Variants in HEG1 observed in about 807,000 individuals in gnomAD.
HEG1 encodes the protein protein HEG homolog 1.
In HEG1, 56 loss-of-function variants were observed where a neutral mutation model predicts 125.6. The observed-to-expected ratio is 0.45, with a 90% CI of 0.36 to 0.56. The LOEUF (loss-of-function observed/expected upper bound fraction) is 0.56, where lower values mean the gene tolerates loss of function less well. Among genes scored for constraint, HEG1 ranks in the 20% least tolerant of loss-of-function variants. The pLI is 0.00. For synonymous variants in HEG1, 644 were observed against 668.5 expected (o/e 0.96, Z 0.57); for missense variants, 1,523 against 1,670.0 (o/e 0.91, Z 1.53).
In HEG1 at chr3:125,013,435, G is replaced by A; in HGVS notation, c.2144C>T (p.Ser715Leu). ...TSDASTPWSS[S>L]PSPLPVSLTT... Reference sequence around the variant, plus strand: ...TAAGGATACTGGTAAAGGTGATGGTGAGGAAGACCATGGTGTGGATGCATC... The same window carrying A: ...TAAGGATACTGGTAAAGGTGATGGTAAGGAAGACCATGGTGTGGATGCATC... The change falls in exon 6 of 17, where the codon TCA (serine) becomes TTA (leucine). Residue 715 changes from serine (S) to leucine (L), a missense_variant. By Grantham distance (145) the Ser-to-Leu change is moderately radical. Transcript: ENST00000311127. 6.2e-7 allele frequency: 1 copy of A among 1,613,930 alleles called. No homozygotes were observed. The highest frequency in any genetic ancestry group is 8.5e-7 in the Non-Finnish European group (1 of 1,179,840).
intron 3 of HEG1, among the ~76,000 whole-genome samples, chr3:125,024,450 CT>C (rs756433464): frequency 1.3e-5 from 2 of 152,144 alleles, no homozygotes; most frequent in Non-Finnish European, 2.9e-5. Flanking sequence ...CAAAAGGGAG[CT>C]TTTTTCCCTG....
intron 1 of HEG1, among the ~76,000 whole-genome samples, chr3:125,045,854 G>A (rs372088464): frequency 7.9e-5 from 12 of 152,112 alleles, no homozygotes; most frequent in Admixed American, 6.5e-5. Context: ...AACAGTTATC[G>A]TCTCCATTTT....
intron 12 of HEG1, among the ~76,000 whole-genome samples, chr3:124,992,836 A>G (rs1936855262): frequency 6.6e-6 from 1 of 152,264 alleles, no homozygotes; most frequent in African/African-American, 2.4e-5. Flanking sequence ...CACAGCAGAT[A>G]TTAGAGAGCT....
chr3:124,996,330 C>T (rs35918258), intron 12 of HEG1, among the ~76,000 whole-genome samples: 11,002 of 152,098 alleles, frequency 0.072, 544 homozygotes, highest in African/African-American at 0.13. Context: ...GTGATCTGCC[C>T]GCCTCGGCCT....
intron 3 of HEG1, 112 bp from the exon 4 acceptor site, chr3:125,021,242 A>T (rs576776719): frequency 3.3e-5 from 25 of 755,160 alleles, no homozygotes; most frequent in African/African-American, 1.9e-4. Flanking sequence ...TCTAAATACC[A>T]TGGACCTAAT....
rs975093367 is a variant in HEG1, at chr3:125,029,112, T to C, written c.610+83A>G. 9 of 1,433,936 alleles carry C rather than the reference T, an allele frequency of 6.3e-6. No individual in the cohort carries two copies. In the African/African-American group the frequency reaches 1.3e-4, roughly 20 times the overall value. The allele number at this position is 1,433,936 out of a possible 1,614,324, so 88.8% of individuals were successfully genotyped here. On this transcript the variant is annotated intron_variant, in intron 2 of 16. Transcript: ENST00000311127. The stretch of plus-strand genomic sequence containing the variant: ...CTTGGAAGGGCACAATGGCTCAGAA[T>C]GGGGTTGTGGGGAATGGCAGAAACT...
At chr3:125,052,145 C>A (rs183625251) in intron 1 of HEG1, among the ~76,000 whole-genome samples, 7 of 151,726 alleles carry the variant, frequency 4.6e-5, no homozygotes, top group African/African-American at 1.2e-4. Flanking sequence ...CGCCTCCCCC[C>A]CTTCTATTTG....
chr3:125,037,850 A>G (rs1937561546), intron 1 of HEG1, among the ~76,000 whole-genome samples: 1 of 152,184 alleles, frequency 6.6e-6, no homozygotes, highest in South Asian at 2.1e-4. Context: ...CACCTCTTTC[A>G]TACCCTATGA....
Position 124,969,356 on chromosome 3 carries a change from G to A in HEG1, c.*1296C>T, listed in dbSNP as rs543973270. ...CCCGAAGGTCAACCCTCAGTTCCTC[G>A]ACCAACCGGAAGTCTTCAGTTCTCC... On this transcript the variant is annotated 3_prime_UTR_variant, in exon 17 of 17. Transcript: ENST00000311127. 3.9e-5 allele frequency: 6 copies of A among 152,220 alleles called. No individual in the cohort carries two copies. The highest frequency in any genetic ancestry group is 7.3e-5 in the Non-Finnish European group (5 of 68,028). The allele number at this position is 152,220 out of a possible 1,614,324, so 9.4% of individuals were successfully genotyped here.
chr3:125,026,817 T>G (rs574950023), intron 3 of HEG1, among the ~76,000 whole-genome samples: 1 of 151,998 alleles, frequency 6.6e-6, no homozygotes, highest in African/African-American at 2.4e-5. Flanking sequence ...CTGGCCAACA[T>G]GCTGAAACCC....
chr3:125,047,642 T>C (rs2948831), intron 1 of HEG1, among the ~76,000 whole-genome samples: 63,154 of 151,964 alleles, frequency 0.42, 13,213 homozygotes, highest in South Asian at 0.49. Flanking sequence ...GCCAGGGAGG[T>C]TGCAGGAGTG....
chr3:125,013,560 C>T lies in HEG1; in HGVS notation c.2019G>A (p.Gly673=). 2 of 1,496,974 alleles carry T rather than the reference C, an allele frequency of 1.3e-6. No homozygotes were observed. The highest frequency in any genetic ancestry group is 1.8e-6 in the Non-Finnish European group (2 of 1,118,266). The allele number at this position is 1,496,974 out of a possible 1,614,324, so 92.7% of individuals were successfully genotyped here. A position where few individuals can be genotyped will look rare whatever the true frequency, so the allele number is the denominator to read the frequency against. Residue 673 remains glycine, a synonymous_variant, in exon 6 of 17, where the codon GGG becomes GGA. Transcript: ENST00000311127. ...SSSSSSSSSS[G]PPLPLPSVSQ... ...ACACAGAGGGCAGAGGCAAAGGAGG[C>T]CCTGAAGAAGAAGAAGAGGAGGAGG...
chr3:125,013,139 G>A lies in HEG1; in HGVS notation c.2440C>T (p.Pro814Ser). 6.2e-7 allele frequency: 1 copy of A among 1,614,056 alleles called. No homozygotes were observed. Among genetic ancestry groups the A allele is most frequent in the Non-Finnish European group, 8.5e-7 (1 of 1,179,908 alleles). Reference sequence around the variant, plus strand: ...GACTCTGTTAAGGATGGAGGCAAAGGAGAGTTTGTTGTTACAGCTTTGGTG... The same window carrying A: ...GACTCTGTTAAGGATGGAGGCAAAGAAGAGTTTGTTGTTACAGCTTTGGTG... ...ESTKAVTTNS[P>S]LPPSLTESST... Residue 814 changes from proline to serine, a missense_variant, in exon 6 of 17, where the codon CCT becomes TCT. Pro to Ser is a moderately conservative substitution (Grantham distance 74). Coordinates refer to ENST00000311127, the MANE Select transcript of HEG1 (RefSeq NM_020733.2).
intron 1 of HEG1, among the ~76,000 whole-genome samples, chr3:125,033,764 G>C (rs1341964551): frequency 1.3e-5 from 2 of 152,234 alleles, no homozygotes; most frequent in African/African-American, 4.8e-5. Context: ...CTGCACAGGA[G>C]GAGGTGAGCA....
At chr3:124,988,588 T>C (rs1936781484) in intron 14 of HEG1, among the ~76,000 whole-genome samples, 1 of 152,042 alleles carries the variant, frequency 6.6e-6, no homozygotes, top group Non-Finnish European at 1.5e-5. Flanking sequence ...TACAGGGTTG[T>C]TTACTACACC....
intron 14 of HEG1, among the ~76,000 whole-genome samples, chr3:124,988,168 G>A (rs1936774837): frequency 1.3e-5 from 2 of 151,802 alleles, no homozygotes; most frequent in South Asian, 4.2e-4. Context: ...AGTGAGAAAT[G>A]AGATTCACAC....
rs1478812888 is a variant in HEG1 at position 125,019,867 on chromosome 3, G to A, written c.1253-270C>T. Among the ~76,000 whole-genome samples the A allele has an allele frequency of 4.6e-5, 7 of 152,174 alleles. No homozygotes were observed. The East Asian group carries it at 1.3e-3, about 29-fold the overall frequency. The stretch of plus-strand genomic sequence containing the variant: ...AGCAAAGTAACCTATAGGCTTGAGT[G>A]TTTCATTCTCTTTCCCATAAAAAGT... On this transcript the variant is annotated intron_variant, in intron 4 of 16. Coordinates refer to ENST00000311127, the MANE Select transcript of HEG1 (RefSeq NM_020733.2).
In HEG1 at chr3:125,013,623, A is replaced by G; in HGVS notation, c.1956T>C (p.Asp652=). The part of the protein sequence containing the change: ...MPNTSVVLDT[D]AEFVSDSSSS... ...AGGAGGAGTCACTAACAAACTCAGC[A>G]TCAGTGTCCAGAACAACCGAAGTGT... Residue 652 remains aspartate, a synonymous_variant, in exon 6 of 17, where the codon GAT becomes GAC. Coordinates refer to ENST00000311127, the MANE Select transcript of HEG1 (RefSeq NM_020733.2). The G allele has an allele frequency of 6.4e-7, 1 of 1,562,390 alleles. No homozygotes were observed. Among genetic ancestry groups the G allele is most frequent in the Non-Finnish European group, 8.6e-7 (1 of 1,160,952 alleles).
Position 124,977,906 on chromosome 3 carries a change from A to G in HEG1, c.3774T>C (p.Gly1258=), listed in dbSNP as rs369211872. ...LITVVIAAAG[G]GLLLILGIAL... ...CGATGCCTAGGATGAGCAGGAGCCC[A>G]CCTCCCGCGGCTGCGATCACCACAG... Residue 1258 remains glycine, a synonymous_variant, in exon 15 of 17, where the codon GGT becomes GGC. Transcript: ENST00000311127. The G allele has an allele frequency of 1.9e-6, 3 of 1,580,312 alleles. No homozygotes were observed. Among genetic ancestry groups the G allele is most frequent in the African/African-American group, 2.7e-5 (2 of 74,092 alleles).
Sources: gnomAD v4.1 joint callset for allele counts (sites outside exome capture counted in the v4.1 genomes callset) on GRCh38, gnomAD v4.1.1 for gene constraint, MANE v1.5 for transcripts, NCBI Gene and HGNC (gene_info 2026-07-23, HGNC 2026-07-21) for gene names.